The following EFHC2 variants were observed in gnomAD, a reference collection of about 807,000 sequenced individuals.
EFHC2 encodes EF-hand domain containing 2, also known as EF-hand domain-containing family member C2.
EFHC2 carries 18 observed loss-of-function variants against 52.7 expected under a neutral mutation model. That is an observed-to-expected ratio of 0.34 (90% CI 0.24 to 0.51). EFHC2 has a LOEUF of 0.51. Among genes scored for constraint, EFHC2 ranks in the 20% least tolerant of loss-of-function variants. The probability of loss-of-function intolerance (pLI) is 0.97; values close to 1 mark genes in which losing one functional copy is unlikely to be tolerated. For missense variants in EFHC2, 513 were observed against 562.5 expected (o/e 0.91, Z 0.89); for synonymous variants, 203 against 204.1 (o/e 0.99, Z 0.04).
At chrX:44,165,649 T>A (rs1569274397) in intron 13 of EFHC2, among the ~76,000 whole-genome samples, 1 of 111,559 alleles carries the variant, frequency 9.0e-6, no homozygotes, top group Non-Finnish European at 1.9e-5. Flanking sequence ...AAGAATGAGA[T>A]CATGTAGGAC....
At chrX:44,314,519 A>C (rs772664054) in intron 1 of EFHC2, among the ~76,000 whole-genome samples, 1 of 111,505 alleles carries the variant, frequency 9.0e-6, no homozygotes, top group East Asian at 2.8e-4. Context: ...AGCTAGATGC[A>C]GTGGTTAGGA....
intron 3 of EFHC2, among the ~76,000 whole-genome samples, chrX:44,270,840 A>C (rs768604808): frequency 9.0e-6 from 1 of 110,532 alleles, no homozygotes. Context: ...GCATCTCCCC[A>C]ACAGAGCAAG....
chrX:44,327,337 G>A (rs1357579033), intron 1 of EFHC2, among the ~76,000 whole-genome samples: 5 of 111,921 alleles, frequency 4.5e-5, no homozygotes, highest in African/African-American at 9.7e-5. Context: ...AGAGAGTGCT[G>A]TAGAAATCCC....
At chrX:44,301,194 A>G (rs1276969247) in intron 2 of EFHC2, among the ~76,000 whole-genome samples, 1 of 108,632 alleles carries the variant, frequency 9.2e-6, no homozygotes, top group East Asian at 2.9e-4. Flanking sequence ...AGCTGGCACC[A>G]CCCAGATTGA....
intron 11 of EFHC2, among the ~76,000 whole-genome samples, chrX:44,179,070 A>G (rs1223842047): frequency 1.8e-5 from 2 of 111,035 alleles, no homozygotes; most frequent in East Asian, 5.6e-4. Context: ...CAGTGAGAAA[A>G]AAAAACAAGA....
In EFHC2 at chrX:44,148,209, T is replaced by C. The variant is rs2036536871; in HGVS notation, c.*586A>G. ...ATTACAAATATAAATACTGCATATG[T>C]TTCCAGTGTGTGTGCACGTGCGTGT... is the stretch of plus-strand genomic sequence containing the variant. On this transcript the variant is annotated 3_prime_UTR_variant, in exon 15 of 15. Transcript: ENST00000420999. 1 of 95,288 alleles carries C rather than the reference T, an allele frequency of 1.0e-5. No individual in the cohort carries two copies. The highest frequency in any genetic ancestry group is 1.2e-4 in the Admixed American group (1 of 8,502). 7.9% of individuals were successfully genotyped at this position (95,288 alleles called of 1,213,427 possible).
chrX:44,151,615 A>G (rs2036571112), intron 14 of EFHC2, among the ~76,000 whole-genome samples: 2 of 111,567 alleles, frequency 1.8e-5, no homozygotes, highest in South Asian at 7.5e-4. Context: ...TCACCAATCA[A>G]TGCATTTAGG....
chrX:44,322,273 A>G (rs2038025880), intron 1 of EFHC2, among the ~76,000 whole-genome samples: 1 of 111,956 alleles, frequency 8.9e-6, no homozygotes, highest in Non-Finnish European at 1.9e-5. Flanking sequence ...TCCTGTTTAT[A>G]TACTTGCATC....
chrX:44,269,480 T>C (rs1172471689), intron 3 of EFHC2, among the ~76,000 whole-genome samples: 1 of 110,738 alleles, frequency 9.0e-6, no homozygotes, highest in Non-Finnish European at 1.9e-5. Context: ...GTCATGGGGG[T>C]GGATCCCACA....
At chrX:44,230,315 C>T (rs143449992) in intron 10 of EFHC2, among the ~76,000 whole-genome samples, 1,977 of 111,782 alleles carry the variant, frequency 0.018, 18 homozygotes, top group Non-Finnish European at 0.027. Flanking sequence ...TATCCTGTGA[C>T]TAGCTTTTTG....
At chrX:44,270,951 A>T (rs919387699) in intron 3 of EFHC2, among the ~76,000 whole-genome samples, 66 of 111,456 alleles carry the variant, frequency 5.9e-4, no homozygotes, top group Admixed American at 3.5e-3. Flanking sequence ...GGTTAGTGAA[A>T]CAGAGACAGA....
In EFHC2 at chrX:44,264,976, T is replaced by A. The variant is rs1019536013; in HGVS notation, c.383-3678A>T. The stretch of plus-strand genomic sequence containing the variant: ...CCCTTTAAATTTTCAGGAGTTTATC[T>A]TAACTGCCCAATAAAGACTATTGGG... On this transcript the variant is annotated intron_variant, in intron 3 of 14. Coordinates refer to ENST00000420999, the MANE Select transcript of EFHC2 (RefSeq NM_025184.4). 3.6e-5 allele frequency among the ~76,000 whole-genome samples: 4 copies of A among 111,184 alleles called. No homozygotes were observed. The Admixed American group carries it at 3.8e-4, about 11-fold the overall frequency.
intron 11 of EFHC2, among the ~76,000 whole-genome samples, chrX:44,227,162 G>A (rs2037239579): frequency 9.0e-6 from 1 of 111,013 alleles, no homozygotes; most frequent in South Asian, 3.8e-4. Context: ...GTTATATTCT[G>A]ATGAGGAGAG....
At chrX:44,247,563 G>A (rs2037409589) in intron 7 of EFHC2, among the ~76,000 whole-genome samples, 1 of 111,250 alleles carries the variant, frequency 9.0e-6, no homozygotes, top group Non-Finnish European at 1.9e-5. Flanking sequence ...TCAGGTAGAG[G>A]GGAGTTTAAC....
chrX:44,270,517 T>C (rs2037609888), intron 3 of EFHC2, among the ~76,000 whole-genome samples: 1 of 111,552 alleles, frequency 9.0e-6, no homozygotes, highest in Non-Finnish European at 1.9e-5. Flanking sequence ...GGTAGGTAGG[T>C]ATGCTAAGTA....
intron 2 of EFHC2, among the ~76,000 whole-genome samples, chrX:44,273,209 T>A (rs2037629905): frequency 1.8e-5 from 2 of 112,800 alleles, no homozygotes; most frequent in South Asian, 7.3e-4. Flanking sequence ...TGTCATTTTT[T>A]TCCCATTAAC....
chrX:44,271,530 T>C (rs1236813916), intron 3 of EFHC2, among the ~76,000 whole-genome samples: 1 of 110,745 alleles, frequency 9.0e-6, no homozygotes, highest in African/African-American at 3.3e-5. Context: ...AAGAATCAGC[T>C]CGTCAAGGAA....
chrX:44,220,277 TCAC>T (rs2037183446), intron 11 of EFHC2, among the ~76,000 whole-genome samples: 1 of 111,960 alleles, frequency 8.9e-6, no homozygotes, highest in Non-Finnish European at 1.9e-5. Flanking sequence ...TCATAGCTGT[TCAC>T]CAAGATCTGG....
At position 44,283,675 on chromosome X, in the gene EFHC2, C is replaced by CTT. The variant is rs35434534; in HGVS notation, c.232-10841_232-10840dup. On this transcript the variant is annotated intron_variant, in intron 2 of 14. Coordinates refer to ENST00000420999, the MANE Select transcript of EFHC2 (RefSeq NM_025184.4). ...AAACACTTTGACTCCACGGAAGTAC[C>CTT]TTTTTTTTTTTTTTTTTTTTACATC... 2.0e-3 allele frequency among the ~76,000 whole-genome samples: 87 copies of CTT among 42,593 alleles called. 12 individuals carry two copies. The highest frequency in any genetic ancestry group is 6.9e-3 in the African/African-American group (69 of 10,047). 37.0% of individuals were successfully genotyped at this position (42,593 alleles called of 115,157 possible).
Sources: gnomAD v4.1 joint callset for allele counts (sites outside exome capture counted in the v4.1 genomes callset) on GRCh38, gnomAD v4.1.1 for gene constraint, MANE v1.5 for transcripts, NCBI Gene and HGNC (gene_info 2026-07-23, HGNC 2026-07-21) for gene names.